The following ZNF536 variants were observed in gnomAD, a reference collection of about 807,000 sequenced individuals.
The protein encoded by ZNF536 is zinc finger protein 536.
ZNF536 carries 13 observed loss-of-function variants against 84.5 expected under a neutral mutation model. That is an observed-to-expected ratio of 0.15 (90% CI 0.10 to 0.24). The LOEUF (loss-of-function observed/expected upper bound fraction) is 0.24. Among genes scored for constraint, ZNF536 ranks in the 10% least tolerant of loss-of-function variants. The pLI is 1.00. For missense variants in ZNF536, 1,536 were observed against 1,747.5 expected, an observed-to-expected ratio of 0.88 and a Z score of 2.16; for synonymous variants, 811 against 742.5, an observed-to-expected ratio of 1.09 and a Z score of -1.50.
At chr19:30,261,864 C>G (rs1482352291) in intron 1 of ZNF536, among the ~76,000 whole-genome samples, 1 of 152,064 alleles carries the variant, frequency 6.6e-6, no homozygotes, top group Non-Finnish European at 1.5e-5. Context: ...GCCAGTGTTT[C>G]CTGAACCTCC....
chr19:30,261,008 A>G (rs962360206), intron 1 of ZNF536, among the ~76,000 whole-genome samples: 1 of 152,150 alleles, frequency 6.6e-6, no homozygotes, highest in African/African-American at 2.4e-5. Context: ...TTAGAAAAAT[A>G]TAACTAGCGG....
intron 1 of ZNF536, among the ~76,000 whole-genome samples, chr19:30,237,936 C>A (rs1277374244): frequency 6.6e-6 from 1 of 152,152 alleles, no homozygotes; most frequent in East Asian, 1.9e-4. Flanking sequence ...GAGCTCAGGA[C>A]CAGTCAGATG....
intron 1 of ZNF536, among the ~76,000 whole-genome samples, chr19:30,674,147 T>G (rs547721854): frequency 2.0e-5 from 3 of 152,252 alleles, no homozygotes; most frequent in African/African-American, 7.2e-5. Flanking sequence ...CTCGGAAATA[T>G]TATCTGAGAG....
At chr19:30,529,739 C>G (rs1255171227) in intron 2 of ZNF536, among the ~76,000 whole-genome samples, 1 of 152,182 alleles carries the variant, frequency 6.6e-6, no homozygotes, top group East Asian at 1.9e-4. Context: ...TTTAGCAAGT[C>G]ACTTTCAGCT....
chr19:30,417,926 A>G (rs1038973570), intron 1 of ZNF536, among the ~76,000 whole-genome samples: 6 of 151,824 alleles, frequency 4.0e-5, no homozygotes, highest in Non-Finnish European at 8.8e-5. Context: ...TTTTTTTTCT[A>G]TTAGTAGAGA....
At chr19:30,626,395 T>C (rs1413753922) in intron 1 of ZNF536, among the ~76,000 whole-genome samples, 1 of 152,182 alleles carries the variant, frequency 6.6e-6, no homozygotes, top group Non-Finnish European at 1.5e-5. Context: ...ATGTGCTCTT[T>C]AGTATCATTT....
chr19:30,398,307 C>A (rs533116394), intron 1 of ZNF536, among the ~76,000 whole-genome samples: 4 of 152,148 alleles, frequency 2.6e-5, no homozygotes, highest in African/African-American at 9.6e-5. Flanking sequence ...GCCTACCCAT[C>A]TGTTTAATTT....
At chr19:30,620,029 CTT>C (rs35581619) in intron 1 of ZNF536, among the ~76,000 whole-genome samples, 18,733 of 135,012 alleles carry the variant, frequency 0.14, 1,163 homozygotes, top group Middle Eastern at 0.16. Flanking sequence ...TTCCTCTATG[CTT>C]TTTTTTTTTT....
At chr19:30,240,269 A>C (rs565748039) in intron 1 of ZNF536, among the ~76,000 whole-genome samples, 5 of 152,004 alleles carry the variant, frequency 3.3e-5, no homozygotes, top group Non-Finnish European at 7.4e-5. Context: ...GCTACTTGGG[A>C]GGCTGGGGCA....
At chr19:30,258,866 C>T (rs552819023) in intron 1 of ZNF536, among the ~76,000 whole-genome samples, 1 of 151,912 alleles carries the variant, frequency 6.6e-6, no homozygotes, top group South Asian at 2.1e-4. Context: ...TACAGGTGTG[C>T]ACCACCACGC....
intron 1 of ZNF536, among the ~76,000 whole-genome samples, chr19:30,597,694 C>T (rs751658637): frequency 8.5e-5 from 13 of 152,094 alleles, no homozygotes; most frequent in East Asian, 1.9e-4. Context: ...ACACAGTAAG[C>T]GCTCAGTAAT....
chr19:30,360,049 A>G (rs147572605), intron 3 of ZNF536, among the ~76,000 whole-genome samples: 1 of 152,286 alleles, frequency 6.6e-6, no homozygotes, highest in Non-Finnish European at 1.5e-5. Context: ...AGCTTCCCCC[A>G]TATGAAGAGT....
At chr19:30,375,979 TC>T (rs2048804104) in intron 1 of ZNF536, among the ~76,000 whole-genome samples, 2 of 152,124 alleles carry the variant, frequency 1.3e-5, no homozygotes, top group Middle Eastern at 3.2e-3. Flanking sequence ...ATGGGTAGCG[TC>T]TGTGAGAGCC....
At chr19:30,604,178 A>G (rs2047791173) in intron 1 of ZNF536, among the ~76,000 whole-genome samples, 1 of 152,244 alleles carries the variant, frequency 6.6e-6, no homozygotes, top group Admixed American at 6.5e-5. Flanking sequence ...AACAGCCTGG[A>G]CAGGGATAGT....
At chr19:30,588,920 G>T (rs1333478882) in intron 1 of ZNF536, among the ~76,000 whole-genome samples, 1 of 152,170 alleles carries the variant, frequency 6.6e-6, no homozygotes, top group Non-Finnish European at 1.5e-5. Context: ...AATATGGCAA[G>T]CGTCATAGAA....
intron 2 of ZNF536, among the ~76,000 whole-genome samples, chr19:30,304,317 A>G (rs1331638092): frequency 1.3e-5 from 2 of 152,186 alleles, no homozygotes. Flanking sequence ...GAACCATTGG[A>G]GCCGGGCTCA....
At chr19:30,592,350 C>T (rs2047305566) in intron 1 of ZNF536, among the ~76,000 whole-genome samples, 1 of 152,072 alleles carries the variant, frequency 6.6e-6, no homozygotes, top group African/African-American at 2.4e-5. Context: ...TTCCATTTTT[C>T]CCCTTCCGGC....
chr19:30,471,245 T>C (rs2053623848), intron 2 of ZNF536, among the ~76,000 whole-genome samples: 1 of 152,172 alleles, frequency 6.6e-6, no homozygotes, highest in African/African-American at 2.4e-5. Context: ...GGCTTATCAC[T>C]GATAATGTTG....
intron 1 of ZNF536, among the ~76,000 whole-genome samples, chr19:30,248,039 G>C (rs1427635175): frequency 6.6e-6 from 1 of 152,034 alleles, no homozygotes; most frequent in African/African-American, 2.4e-5. Flanking sequence ...GAACCGACCT[G>C]GCCCTGTTCA....
Sources: allele counts gnomAD v4.1 joint callset (sites outside exome capture counted in the v4.1 genomes callset), GRCh38; gene constraint gnomAD v4.1.1; transcripts MANE v1.5; gene names NCBI Gene and HGNC (gene_info 2026-07-23, HGNC 2026-07-21).